The following RAP1A variants were observed in gnomAD, a reference collection of about 807,000 sequenced individuals.
RAP1A encodes RAP1A, member of RAS oncogene family, also known as ras-related protein Rap-1A.
In RAP1A, 6 loss-of-function variants were observed where a neutral mutation model predicts 26.4. That is an observed-to-expected ratio of 0.23 (90% CI 0.12 to 0.45). The LOEUF (loss-of-function observed/expected upper bound fraction) is 0.45, where lower values mean the gene tolerates loss of function less well. RAP1A is among the 20% of genes least tolerant of loss of function. The probability of loss-of-function intolerance (pLI) is 0.99; values close to 1 mark genes in which losing one functional copy is unlikely to be tolerated. For synonymous variants in RAP1A, 73 were observed against 79.4 expected (o/e 0.92, Z 0.43); for missense variants, 121 against 217.2 (o/e 0.56, Z 2.78).
At position 111,689,055 on chromosome 1, in the gene RAP1A, C is replaced by CT. The variant is rs530527560; in HGVS notation, c.-27-2278dup. Among the ~76,000 whole-genome samples the CT allele has an allele frequency of 1.6e-3, 241 of 152,184 alleles. 1 individual carries two copies. The highest frequency in any genetic ancestry group is 2.6e-3 in the Non-Finnish European group (177 of 67,992). On this transcript the variant is annotated intron_variant, in intron 1 of 7. Transcript: ENST00000369709. ...TTCACCATATTATCCAGGCTGGTCT[C>CT]TAATTCCTGGCCTCAAGTGATCTGC...
At chr1:111,704,203 T>C (rs1662115912) in intron 5 of RAP1A, 140 bp from the exon 6 acceptor site, 2 of 706,702 alleles carry the variant, frequency 2.8e-6, no homozygotes, top group South Asian at 2.5e-5. Flanking sequence ...CCTCAACATA[T>C]ACTTTTCGTT....
At chr1:111,636,509 G>C (rs1191911951) in intron 1 of RAP1A, among the ~76,000 whole-genome samples, 1 of 150,236 alleles carries the variant, frequency 6.7e-6, no homozygotes, top group Non-Finnish European at 1.5e-5. Flanking sequence ...TGGAGACGGA[G>C]TTTCGTTCTT....
At position 111,608,064 on chromosome 1, in the gene RAP1A, C is replaced by A. The variant is rs547357535; in HGVS notation, c.-28+65555C>A. 1.9e-3 allele frequency: 302 copies of A among 157,378 alleles called. 1 individual carries two copies. Among genetic ancestry groups the A allele is most frequent in the Non-Finnish European group, 3.0e-3 (219 of 72,296 alleles). The allele number at this position is 157,378 out of a possible 1,614,324, so 9.7% of individuals were successfully genotyped here. A position where few individuals can be genotyped will look rare whatever the true frequency, so the allele number is the denominator to read the frequency against. On this transcript the variant is annotated intron_variant, in intron 1 of 7. Transcript: ENST00000356415. ...GGCTGACCCCCACCTCCCTCCCGGA[C>A]GGGGTGGTTGCTGGGCGGAGACGCT...
chr1:111,672,779 C>T (rs1322391760), intron 1 of RAP1A, among the ~76,000 whole-genome samples: 2 of 152,158 alleles, frequency 1.3e-5, no homozygotes, highest in Non-Finnish European at 2.9e-5. Context: ...TTTCTTTCTA[C>T]AAGTTTTTTA....
chr1:111,558,169 A>G lies in RAP1A; in HGVS notation c.-28+15660A>G, dbSNP rs534021441. On this transcript the variant is annotated intron_variant, in intron 1 of 7. Coordinates refer to the RAP1A transcript ENST00000356415. ...CAAACTCTTTGGGTTAAAAAAGTCA[A>G]TATGGAAATTTTTTTCTTTTTGTTT... Among the ~76,000 whole-genome samples, 4 of 152,204 alleles carry G rather than the reference A, an allele frequency of 2.6e-5. No individual in the cohort carries two copies. The South Asian group carries it at 8.3e-4, about 32-fold the overall frequency.
intron 6 of RAP1A, 63 bp from the exon 7 acceptor site, chr1:111,709,086 G>A (rs1662290475): frequency 1.3e-6 from 2 of 1,546,998 alleles, no homozygotes; most frequent in Admixed American, 2.1e-5. Context: ...TACCAGAATT[G>A]TTTTGTGGAA....
At chr1:111,650,946 C>T (rs1176223176) in intron 1 of RAP1A, among the ~76,000 whole-genome samples, 1 of 152,056 alleles carries the variant, frequency 6.6e-6, no homozygotes, top group Non-Finnish European at 1.5e-5. Flanking sequence ...GGACTACAGG[C>T]ACCCGCCACC....
chr1:111,552,375 T>A (rs1416294037), intron 1 of RAP1A, among the ~76,000 whole-genome samples: 4 of 152,218 alleles, frequency 2.6e-5, no homozygotes, highest in Admixed American at 6.5e-5. Context: ...GTCCCTCCTA[T>A]GAAGACTCAG....
At chr1:111,546,780 T>C (rs185464177) in intron 1 of RAP1A, among the ~76,000 whole-genome samples, 55 of 152,310 alleles carry the variant, frequency 3.6e-4, no homozygotes, top group Admixed American at 9.8e-4. Flanking sequence ...ATCTTAGATA[T>C]ATACCCAGAA....
In RAP1A at chr1:111,714,122, T is replaced by TA. The variant is rs1360008525; in HGVS notation, c.*1728dup. On this transcript the variant is annotated 3_prime_UTR_variant, in exon 8 of 8. Coordinates refer to ENST00000369709, the MANE Select transcript of RAP1A (RefSeq NM_002884.4). ...TGAGAAAATGTTAAAGTATTGTTTT[T>TA]AAAAAAATGGAAATTTTTTTTGTTT... 4 of 152,360 alleles carry TA rather than the reference T, an allele frequency of 2.6e-5. No homozygotes were observed. Among genetic ancestry groups the TA allele is most frequent in the East Asian group, 3.9e-4 (2 of 5,194 alleles). The allele number at this position is 152,360 out of a possible 1,614,324, so 9.4% of individuals were successfully genotyped here. A position where few individuals can be genotyped will look rare whatever the true frequency, so the allele number is the denominator to read the frequency against.
intron 1 of RAP1A, among the ~76,000 whole-genome samples, chr1:111,611,452 GA>G (rs1194327158): frequency 2.0e-5 from 3 of 152,158 alleles, no homozygotes; most frequent in African/African-American, 7.2e-5. Flanking sequence ...CTCCACTTCA[GA>G]TTTTTTTAAA....
intron 1 of RAP1A, among the ~76,000 whole-genome samples, chr1:111,547,837 T>A: frequency 6.6e-6 from 1 of 152,166 alleles, no homozygotes; most frequent in East Asian, 1.9e-4. Context: ...TTCCTGGTAT[T>A]TTTCTGCTAA....
At chr1:111,542,356 A>G in exon 1 of RAP1A, 5 of 347,858 alleles carry the variant, frequency 1.4e-5, no homozygotes, top group South Asian at 9.3e-5. Flanking sequence ...CACGTGGGTG[A>G]AGGACTGTGC....
At chr1:111,575,537 G>C (rs75446978) in intron 1 of RAP1A, among the ~76,000 whole-genome samples, 1 of 152,090 alleles carries the variant, frequency 6.6e-6, no homozygotes, top group South Asian at 2.1e-4. Context: ...AGTTGTTATG[G>C]GCTAAATGAA....
At chr1:111,617,319 A>G (rs1336101669), upstream of RAP1A, among the ~76,000 whole-genome samples, 1 of 152,162 alleles carries the variant, frequency 6.6e-6, no homozygotes, top group Non-Finnish European at 1.5e-5. Context: ...ACAGTGTGTG[A>G]ATGCATTCCC....
At chr1:111,642,690 T>C (rs999336799) in intron 1 of RAP1A, among the ~76,000 whole-genome samples, 3 of 151,934 alleles carry the variant, frequency 2.0e-5, no homozygotes, top group South Asian at 4.2e-4. Context: ...GGTTTCACCA[T>C]GTTAGCCAGG....
chr1:111,682,791 C>A (rs1441688394), intron 1 of RAP1A, among the ~76,000 whole-genome samples: 1 of 152,184 alleles, frequency 6.6e-6, no homozygotes, highest in Admixed American at 6.5e-5. Context: ...CAAGGATATT[C>A]TGAACTTGAA....
chr1:111,572,077 T>C (rs960052171), intron 1 of RAP1A, among the ~76,000 whole-genome samples: 1 of 152,176 alleles, frequency 6.6e-6, no homozygotes, highest in African/African-American at 2.4e-5. Flanking sequence ...CAGAGCTGCA[T>C]CTGAGCAAGC....
At chr1:111,631,270 A>G (rs151038565) in intron 1 of RAP1A, among the ~76,000 whole-genome samples, 136 of 152,276 alleles carry the variant, frequency 8.9e-4, no homozygotes, top group African/African-American at 3.2e-3. Flanking sequence ...TACTTATGTG[A>G]TTAATAAGAT....
Sources: gnomAD v4.1 joint callset for allele counts (sites outside exome capture counted in the v4.1 genomes callset) on GRCh38, gnomAD v4.1.1 for gene constraint, MANE v1.5 for transcripts, NCBI Gene and HGNC (gene_info 2026-07-23, HGNC 2026-07-21) for gene names.